GAREM1: variants seen among roughly 807,000 people sequenced by gnomAD.
The protein encoded by GAREM1 is GRB2 associated regulator of MAPK1 subtype 1, also known as GRB2-associated and regulator of MAPK protein 1.
A neutral mutation model predicts 71.3 loss-of-function variants in GAREM1; 26 were observed. The ratio of observed to expected loss-of-function variants is 0.36; its 90% CI spans 0.27 to 0.51. The LOEUF (loss-of-function observed/expected upper bound fraction) is 0.51, where lower values mean the gene tolerates loss of function less well. GAREM1 is among the 20% of genes least tolerant of loss of function. The pLI, the probability that GAREM1 is intolerant of heterozygous loss-of-function variation, is 0.95. For missense variants in GAREM1, 1,026 were observed against 1,103.1 expected (o/e 0.93, Z 0.99); for synonymous variants, 440 against 433.2 (o/e 1.02, Z -0.20).
rs2047047805 is a variant in GAREM1 at position 32,288,287 on chromosome 18, C to T, written c.394-84G>A. ...CTTCCTATTAAGACACACACAAATA[C>T]ACACACAGAGGAAAATGCTGCGCTT... On this transcript the variant is annotated intron_variant, in intron 3 of 5. Coordinates refer to ENST00000269209, the MANE Select transcript of GAREM1 (RefSeq NM_001242409.2). 4 of 1,095,514 alleles carry T rather than the reference C, an allele frequency of 3.7e-6. No individual in the cohort carries two copies. The South Asian group carries it at 4.9e-5, about 13-fold the overall frequency. The allele number at this position is 1,095,514 out of a possible 1,614,324, so 67.9% of individuals were successfully genotyped here. A position where few individuals can be genotyped will look rare whatever the true frequency, so the allele number is the denominator to read the frequency against.
intron 2 of GAREM1, among the ~76,000 whole-genome samples, chr18:32,391,006 T>G (rs969070757): frequency 6.6e-6 from 1 of 152,124 alleles, no homozygotes; most frequent in Non-Finnish European, 1.5e-5. Flanking sequence ...GCTTCAGGTG[T>G]TTTTTAGAAT....
intron 3 of GAREM1, among the ~76,000 whole-genome samples, chr18:32,293,144 G>GAC (rs533565242): frequency 0.012 from 1,826 of 150,538 alleles, 22 homozygotes; most frequent in Non-Finnish European, 0.019. Flanking sequence ...TAGACACACA[G>GAC]ACACACACAC....
intron 1 of GAREM1, among the ~76,000 whole-genome samples, chr18:32,434,973 T>C (rs778693481): frequency 7.2e-5 from 11 of 152,162 alleles, no homozygotes; most frequent in Non-Finnish European, 1.5e-4. Context: ...TATATTGACA[T>C]CACGTATCCC....
intron 2 of GAREM1, among the ~76,000 whole-genome samples, chr18:32,371,784 G>A (rs781312163): frequency 1.3e-5 from 2 of 152,112 alleles, no homozygotes; most frequent in Non-Finnish European, 2.9e-5. Flanking sequence ...GGTGCATGTG[G>A]TGATGTCTTG....
chr18:32,317,010 C>T (rs1362453061), intron 2 of GAREM1, among the ~76,000 whole-genome samples: 2 of 152,146 alleles, frequency 1.3e-5, no homozygotes, highest in African/African-American at 4.8e-5. Context: ...AGCTGTGCTC[C>T]AGAAAACTTT....
intron 2 of GAREM1, among the ~76,000 whole-genome samples, chr18:32,359,067 C>T (rs2047835180): frequency 6.6e-6 from 1 of 152,084 alleles, no homozygotes; most frequent in South Asian, 2.1e-4. Context: ...TATTTGTGTG[C>T]CATTTCAAAA....
At chr18:32,413,884 G>T (rs1270240719) in intron 1 of GAREM1, among the ~76,000 whole-genome samples, 1 of 152,070 alleles carries the variant, frequency 6.6e-6, no homozygotes, top group African/African-American at 2.4e-5. Flanking sequence ...TATTGCTTAT[G>T]AATAAATTAC....
chr18:32,367,023 T>G (rs778461081), intron 2 of GAREM1, among the ~76,000 whole-genome samples: 17 of 152,210 alleles, frequency 1.1e-4, no homozygotes, highest in Non-Finnish European at 2.1e-4. Flanking sequence ...GCAGTGCTCA[T>G]GTCTTTAATA....
chr18:32,461,187 T>G (rs1352941353), intron 1 of GAREM1, among the ~76,000 whole-genome samples: 1 of 152,224 alleles, frequency 6.6e-6, no homozygotes. Context: ...ATAGATATCT[T>G]GGACCTTATA....
chr18:32,330,140 A>G (rs374430534), intron 2 of GAREM1, among the ~76,000 whole-genome samples: 2 of 152,234 alleles, frequency 1.3e-5, no homozygotes, highest in Non-Finnish European at 1.5e-5. Flanking sequence ...TATAAAGAAA[A>G]TGTGGTACAT....
intron 1 of GAREM1, among the ~76,000 whole-genome samples, chr18:32,421,597 C>G (rs985103533): frequency 3.3e-5 from 5 of 152,078 alleles, no homozygotes; most frequent in African/African-American, 1.2e-4. Flanking sequence ...ACACTGGTAA[C>G]GTATATCAGA....
intron 2 of GAREM1, among the ~76,000 whole-genome samples, chr18:32,387,931 G>T (rs1343868677): frequency 6.6e-6 from 1 of 152,170 alleles, no homozygotes; most frequent in African/African-American, 2.4e-5. Context: ...GCCTATGGCT[G>T]CCCAGGCTGT....
chr18:32,420,281 C>G (rs766955034), intron 1 of GAREM1, among the ~76,000 whole-genome samples: 1 of 151,404 alleles, frequency 6.6e-6, no homozygotes, highest in African/African-American at 2.4e-5. Context: ...CAACCCTAGA[C>G]AGGAAGGGGA....
rs1167568851 is a variant in GAREM1, at chr18:32,446,418, T to C, written c.121+23890A>G. Among the ~76,000 whole-genome samples the C allele has an allele frequency of 2.0e-5, 3 of 152,152 alleles. No individual in the cohort carries two copies. In the East Asian group the frequency reaches 5.8e-4, roughly 29 times the overall value. ...ATCTCTACTTCACCTATAAACACAA[T>C]TTCCATACAATGTATTGCCCAATCC... On this transcript the variant is annotated intron_variant, in intron 1 of 5. Transcript: ENST00000269209.
chr18:32,350,421 T>C (rs895193854), intron 2 of GAREM1, among the ~76,000 whole-genome samples: 69 of 152,154 alleles, frequency 4.5e-4, no homozygotes, highest in African/African-American at 1.6e-3. Context: ...TTGGCTAATA[T>C]TAGTATACTC....
intron 2 of GAREM1, among the ~76,000 whole-genome samples, chr18:32,378,057 T>TGTGTGTGTGTGTGTGCGCGCGC (rs1293817110): frequency 1.6e-5 from 2 of 127,524 alleles, no homozygotes; most frequent in African/African-American, 6.0e-5. Context: ...TGTGTGTGTG[T>TGTGTGTGTGTGTGTGCGCGCGC]GCGCGCGGGC....
chr18:32,283,897 G>A (rs982997290), intron 4 of GAREM1, among the ~76,000 whole-genome samples: 2 of 152,124 alleles, frequency 1.3e-5, no homozygotes, highest in East Asian at 3.9e-4. Context: ...TAAGGACCTG[G>A]TGAGAGATGT....
In GAREM1 at chr18:32,287,552, C is replaced by T. The variant is rs765951970; in HGVS notation, c.1045G>A (p.Asp349Asn). Residue 349 changes from aspartate to asparagine, a missense_variant, in exon 4 of 6, where the codon GAC becomes AAC. Transcript: ENST00000269209. This position sits in a 1 kb window ranked among gnomAD's most constrained non-coding sequence, Gnocchi z 5.9. ...GGGCTCTTGCATTCTTCATTCCAGT[C>T]GGTTTTCACATCACGGACAGCCCGT... ...YSRAVRDVKT[D>N]WNEECKSPKK... The T allele has an allele frequency of 1.5e-5, 25 of 1,614,044 alleles. No homozygotes were observed. The highest frequency in any genetic ancestry group is 1.1e-4 in the South Asian group (10 of 91,066).
intron 1 of GAREM1, among the ~76,000 whole-genome samples, chr18:32,420,867 C>T (rs943387856): frequency 6.6e-6 from 1 of 152,056 alleles, no homozygotes; most frequent in Admixed American, 6.6e-5. Flanking sequence ...GTCTTCATTA[C>T]AGAGAATCCA....
Sources: allele counts gnomAD v4.1 joint callset (sites outside exome capture counted in the v4.1 genomes callset), GRCh38; gene constraint gnomAD v4.1.1; non-coding constraint Gnocchi (gnomAD v3.1); transcripts MANE v1.5; gene names NCBI Gene and HGNC (gene_info 2026-07-23, HGNC 2026-07-21).